Variants in EBF1 observed in about 807,000 individuals in gnomAD.
EBF1 encodes transcription factor COE1.
A neutral mutation model predicts 68.4 loss-of-function variants in EBF1; 10 were observed. The ratio of observed to expected loss-of-function variants is 0.15; its 90% CI spans 0.09 to 0.25. The LOEUF (loss-of-function observed/expected upper bound fraction) is 0.25. Ranked by LOEUF, EBF1 falls within the 10% of genes least tolerant of loss-of-function variation. The pLI is 1.00. For missense variants in EBF1, 509 were observed against 794.4 expected (o/e 0.64, Z 4.32); for synonymous variants, 298 against 299.8 (o/e 0.99, Z 0.06).
chr5:158,828,015 G>C (rs577620746), intron 7 of EBF1, among the ~76,000 whole-genome samples: 1 of 152,210 alleles, frequency 6.6e-6, no homozygotes, highest in South Asian at 2.1e-4. Context: ...CTCAGTAAAA[G>C]GAAATCAGTG....
At chr5:158,915,446 T>A (rs566460570) in intron 6 of EBF1, among the ~76,000 whole-genome samples, 1 of 152,374 alleles carries the variant, frequency 6.6e-6, no homozygotes, top group Non-Finnish European at 1.5e-5. Context: ...TGGTAATGCA[T>A]CACAGAAGTA....
chr5:158,937,064 C>T (rs1252085443), intron 6 of EBF1, among the ~76,000 whole-genome samples: 1 of 151,802 alleles, frequency 6.6e-6, no homozygotes, highest in South Asian at 2.1e-4. Context: ...TTCAGTCTCT[C>T]GGTGGCCTAA....
rs150883912 is a variant in EBF1 at position 158,973,041 on chromosome 5, A to G, written c.554+100355T>C. On this transcript the variant is annotated intron_variant, in intron 6 of 15. Transcript: ENST00000313708. Reference sequence around the variant, plus strand: ...CCCTCCCCAAATATTTCTTCACCCTATTTCCCAAACTATTTTCCTTGCAGA... The same window carrying G: ...CCCTCCCCAAATATTTCTTCACCCTGTTTCCCAAACTATTTTCCTTGCAGA... 1.2e-4 allele frequency among the ~76,000 whole-genome samples: 18 copies of G among 152,148 alleles called. No homozygotes were observed. In the East Asian group the frequency reaches 3.1e-3, roughly 26 times the overall value.
Position 158,968,983 on chromosome 5 carries a change from C to T in EBF1, c.554+104413G>A, listed in dbSNP as rs568480549. Among the ~76,000 whole-genome samples, 264 of 152,236 alleles carry T rather than the reference C, an allele frequency of 1.7e-3. 2 individuals carry two copies. Among genetic ancestry groups the T allele is most frequent in the African/African-American group, 6.0e-3 (250 of 41,540 alleles). ...TGGATGTACCAACCTAGCCTGGATA[C>T]CACTGAAAATACAAATATCAAGAGT... On this transcript the variant is annotated intron_variant, in intron 6 of 15. Coordinates refer to ENST00000313708, the MANE Select transcript of EBF1 (RefSeq NM_024007.5).
intron 6 of EBF1, among the ~76,000 whole-genome samples, chr5:158,972,023 C>T (rs1284333805): frequency 6.6e-6 from 1 of 152,176 alleles, no homozygotes; most frequent in Non-Finnish European, 1.5e-5. Context: ...TGCAAATTGC[C>T]ACAATGAATT....
At chr5:158,844,038 G>A (rs759856485) in intron 6 of EBF1, among the ~76,000 whole-genome samples, 2 of 152,056 alleles carry the variant, frequency 1.3e-5, no homozygotes, top group African/African-American at 2.4e-5. Context: ...ATAAAGTGTT[G>A]TCAGGAGAAA....
intron 9 of EBF1, among the ~76,000 whole-genome samples, chr5:158,781,359 GTCT>G (rs1776421781): frequency 2.0e-5 from 3 of 151,948 alleles, no homozygotes; most frequent in Admixed American, 6.6e-5. Flanking sequence ...CACAAGTTTT[GTCT>G]TCTTTTTTTT....
chr5:158,780,835 C>A (rs1186332227), intron 9 of EBF1, among the ~76,000 whole-genome samples: 1 of 152,182 alleles, frequency 6.6e-6, no homozygotes, highest in Non-Finnish European at 1.5e-5. Context: ...TGATTCAGTT[C>A]TATTTCATGT....
At chr5:158,883,267 T>G (rs1001504413) in intron 6 of EBF1, among the ~76,000 whole-genome samples, 2 of 151,890 alleles carry the variant, frequency 1.3e-5, no homozygotes, top group African/African-American at 4.8e-5. Flanking sequence ...TCCCTTTTTC[T>G]GGCGACAGCT....
chr5:158,862,742 T>C (rs943839710), intron 6 of EBF1, among the ~76,000 whole-genome samples: 1 of 152,160 alleles, frequency 6.6e-6, no homozygotes, highest in African/African-American at 2.4e-5. Context: ...CCTGAGAAAC[T>C]GCATCCTTTG....
At chr5:158,955,725 G>A (rs1024305086) in intron 6 of EBF1, among the ~76,000 whole-genome samples, 1 of 152,098 alleles carries the variant, frequency 6.6e-6, no homozygotes, top group African/African-American at 2.4e-5. Flanking sequence ...ATCTTTAATC[G>A]ACTGATGTTT....
chr5:158,809,201 TA>T (rs1184259879), intron 8 of EBF1, among the ~76,000 whole-genome samples: 1 of 152,190 alleles, frequency 6.6e-6, no homozygotes, highest in East Asian at 1.9e-4. Flanking sequence ...TAAAGGGTTT[TA>T]CCATACATTA....
intron 6 of EBF1, among the ~76,000 whole-genome samples, chr5:158,877,457 A>G (rs1447012346): frequency 7.3e-6 from 1 of 137,874 alleles, no homozygotes; most frequent in Non-Finnish European, 1.6e-5. Context: ...AGCCAAGATC[A>G]ACACCATGAG....
chr5:158,823,120 C>T (rs747944847), intron 8 of EBF1, 56 bp downstream of exon 8: 5 of 1,611,712 alleles, frequency 3.1e-6, no homozygotes, highest in Non-Finnish European at 3.4e-6. Flanking sequence ...AAGAAAGAAA[C>T]CAAATATATT....
At chr5:158,836,187 A>G (rs1365340935) in intron 7 of EBF1, among the ~76,000 whole-genome samples, 1 of 152,204 alleles carries the variant, frequency 6.6e-6, no homozygotes, top group Admixed American at 6.5e-5. Flanking sequence ...GTTCCTGGAA[A>G]TATCCAGCAG....
chr5:159,001,014 C>T (rs770043164), intron 6 of EBF1, among the ~76,000 whole-genome samples: 4 of 152,058 alleles, frequency 2.6e-5, no homozygotes, highest in Non-Finnish European at 4.4e-5. Context: ...TTTTTTCCAA[C>T]TATATATATT....
rs191703921 is a variant in EBF1 at position 158,731,276 on chromosome 5, T to G, written c.1037-119A>C. The G allele has an allele frequency of 8.0e-4, 741 of 923,592 alleles. 5 individuals are homozygous for G. The African/African-American group carries it at 9.8e-3, about 12-fold the overall frequency. 57.2% of individuals were successfully genotyped at this position (923,592 alleles called of 1,614,324 possible). On this transcript the variant is annotated intron_variant, in intron 10 of 15. Transcript: ENST00000313708. ...CAAAGTTTAACTGATACTTTTGAAT[T>G]GGATCACAAGATGGTTGTGTGAATG...
chr5:158,826,305 C>T (rs1474860189), intron 7 of EBF1, among the ~76,000 whole-genome samples: 4 of 152,116 alleles, frequency 2.6e-5, no homozygotes, highest in Admixed American at 1.3e-4. Context: ...CTGCACTGTC[C>T]AATACAGAAG....
intron 5 of EBF1, among the ~76,000 whole-genome samples, chr5:159,081,339 A>G (rs1779706699): frequency 6.6e-6 from 1 of 152,116 alleles, no homozygotes; most frequent in Non-Finnish European, 1.5e-5. Context: ...TTTATTACTA[A>G]TTGTTGTTCA....
Sources: allele counts gnomAD v4.1 joint callset (sites outside exome capture counted in the v4.1 genomes callset), GRCh38; gene constraint gnomAD v4.1.1; transcripts MANE v1.5; gene names NCBI Gene and HGNC (gene_info 2026-07-23, HGNC 2026-07-21).